Variants in MYO1D observed in about 807,000 individuals in gnomAD.
The protein encoded by MYO1D is unconventional myosin-Id.
MYO1D carries 83 observed loss-of-function variants against 122.0 expected under a neutral mutation model. That is an observed-to-expected ratio of 0.68 (90% CI 0.57 to 0.82). The LOEUF (loss-of-function observed/expected upper bound fraction) is 0.82, where lower values mean the gene tolerates loss of function less well. Ranked by LOEUF, MYO1D falls within the 40% of genes least tolerant of loss-of-function variation. The pLI, the probability that MYO1D is intolerant of heterozygous loss-of-function variation, is 0.00. For missense variants in MYO1D, 1,157 were observed against 1,269.5 expected, an observed-to-expected ratio of 0.91 and a Z score of 1.35; for synonymous variants, 464 against 446.9, an observed-to-expected ratio of 1.04 and a Z score of -0.48.
At chr17:32,560,916 CTTT>C (rs575644563) in intron 21 of MYO1D, among the ~76,000 whole-genome samples, 2 of 132,330 alleles carry the variant, frequency 1.5e-5, no homozygotes, top group Non-Finnish European at 3.2e-5. Context: ...CTATGCGTGG[CTTT>C]TTTTTTTTTT....
At chr17:32,548,038 G>C (rs986088357) in intron 21 of MYO1D, among the ~76,000 whole-genome samples, 1 of 152,102 alleles carries the variant, frequency 6.6e-6, no homozygotes, top group Non-Finnish European at 1.5e-5. Flanking sequence ...CATGACGAGA[G>C]AGCACTCATC....
intron 15 of MYO1D, 105 bp from the exon 16 acceptor site, chr17:32,712,300 G>A: frequency 1.0e-6 from 1 of 984,654 alleles, no homozygotes; most frequent in Non-Finnish European, 1.5e-6. Flanking sequence ...CCAAATCTTA[G>A]CAAACTATCA....
intron 8 of MYO1D, among the ~76,000 whole-genome samples, chr17:32,764,254 C>A (rs1396004651): frequency 6.6e-6 from 1 of 152,126 alleles, no homozygotes; most frequent in East Asian, 1.9e-4. Flanking sequence ...ATGGTGATTA[C>A]CAGAGGCTAG....
At chr17:32,772,760 A>T in intron 5 of MYO1D, 29 bp downstream of exon 5, 3 of 1,562,296 alleles carry the variant, frequency 1.9e-6, no homozygotes, top group Non-Finnish European at 2.6e-6. Context: ...TGGGCAAATG[A>T]TCAATTATCT....
chr17:32,525,953 G>C (rs781109443), intron 21 of MYO1D, among the ~76,000 whole-genome samples: 1 of 152,284 alleles, frequency 6.6e-6, no homozygotes, highest in Admixed American at 6.5e-5. Flanking sequence ...TGTTTGCCAC[G>C]ATGGTTTTGC....
chr17:32,648,353 A>G (rs914626676), intron 19 of MYO1D, among the ~76,000 whole-genome samples: 4 of 152,238 alleles, frequency 2.6e-5, no homozygotes, highest in Non-Finnish European at 4.4e-5. Context: ...TCCTGACACA[A>G]AGCTCCCAAA....
intron 20 of MYO1D, among the ~76,000 whole-genome samples, chr17:32,624,732 T>A (rs565178331): frequency 6.6e-6 from 1 of 151,208 alleles, no homozygotes; most frequent in African/African-American, 2.5e-5. Flanking sequence ...TGCTGTTTTT[T>A]CCCCCCTAAA....
intron 13 of MYO1D, among the ~76,000 whole-genome samples, chr17:32,739,330 C>T (rs2089746564): frequency 6.6e-6 from 1 of 152,024 alleles, no homozygotes; most frequent in Admixed American, 6.6e-5. Flanking sequence ...AGGATGAGTT[C>T]ATGTCCTTTG....
chr17:32,552,403 T>TCCATCCATCCATCCAC (rs752595717), intron 21 of MYO1D, among the ~76,000 whole-genome samples: 3 of 114,260 alleles, frequency 2.6e-5, no homozygotes, highest in Admixed American at 8.9e-5. Flanking sequence ...ACCTTTGTAA[T>TCCATCCATCCATCCAC]CCATCCATCC....
chr17:32,634,870 G>A (rs764165517), intron 20 of MYO1D, among the ~76,000 whole-genome samples: 4 of 152,108 alleles, frequency 2.6e-5, no homozygotes, highest in Non-Finnish European at 4.4e-5. Context: ...CCAATGACCC[G>A]CCCCAATATT....
intron 21 of MYO1D, among the ~76,000 whole-genome samples, chr17:32,572,249 C>T (rs892401482): frequency 4.3e-4 from 65 of 151,924 alleles, no homozygotes; most frequent in African/African-American, 1.6e-3. Context: ...CCACCTCCCA[C>T]CAGCTATACT....
intron 1 of MYO1D, among the ~76,000 whole-genome samples, chr17:32,865,940 C>G (rs1293801498): frequency 6.6e-6 from 1 of 152,246 alleles, no homozygotes; most frequent in Admixed American, 6.5e-5. Flanking sequence ...CTTTCCAAAA[C>G]CAGACCATTC....
chr17:32,824,667 GA>G (rs1235352504), intron 1 of MYO1D, among the ~76,000 whole-genome samples: 30 of 152,346 alleles, frequency 2.0e-4, no homozygotes, highest in African/African-American at 7.0e-4. Flanking sequence ...TGATGGCTCA[GA>G]ATTGACCCAG....
chr17:32,621,539 T>C (rs2087855067), intron 20 of MYO1D, among the ~76,000 whole-genome samples: 1 of 152,144 alleles, frequency 6.6e-6, no homozygotes, highest in South Asian at 2.1e-4. Flanking sequence ...TCTCCTAGCT[T>C]AGAAGACTGA....
chr17:32,541,834 G>T (rs368429866), intron 21 of MYO1D, among the ~76,000 whole-genome samples: 4 of 152,100 alleles, frequency 2.6e-5, no homozygotes, highest in African/African-American at 9.7e-5. Context: ...CTCCTCCAGG[G>T]TGCTTCCCCG....
chr17:32,576,015 C>A (rs2087275671), intron 21 of MYO1D, among the ~76,000 whole-genome samples: 2 of 152,106 alleles, frequency 1.3e-5, no homozygotes, highest in Non-Finnish European at 2.9e-5. Flanking sequence ...AACCTCAAAA[C>A]CACTAAAAGC....
At chr17:32,839,068 A>G (rs1008166159) in intron 1 of MYO1D, among the ~76,000 whole-genome samples, 3 of 152,216 alleles carry the variant, frequency 2.0e-5, no homozygotes, top group Non-Finnish European at 4.4e-5. Context: ...CAAGAATAAC[A>G]TAAGTTGTTA....
rs142553592 is a variant in MYO1D at position 32,759,044 on chromosome 17, T to C, written c.1296+1246A>G. ...GAATAACAAGTTTTATGATTAAATT[T>C]GGTATTAAAAATCCAAGCTTCAGTT... On this transcript the variant is annotated intron_variant, in intron 10 of 21. Coordinates refer to ENST00000318217, the MANE Select transcript of MYO1D (RefSeq NM_015194.3). 1.6e-3 allele frequency among the ~76,000 whole-genome samples: 242 copies of C among 152,282 alleles called. 1 individual carries two copies. The highest frequency in any genetic ancestry group is 4.2e-3 in the Admixed American group (64 of 15,292).
chr17:32,518,558 T>A (rs1036442302), intron 21 of MYO1D: 1 of 152,252 alleles, frequency 6.6e-6, no homozygotes, highest in African/African-American at 2.4e-5. Context: ...CGTGTTTCCT[T>A]CCACCCCTAT....
Sources: gnomAD v4.1 joint callset for allele counts (sites outside exome capture counted in the v4.1 genomes callset) on GRCh38, gnomAD v4.1.1 for gene constraint, MANE v1.5 for transcripts, NCBI Gene and HGNC (gene_info 2026-07-23, HGNC 2026-07-21) for gene names.